The following PPP2R3C variants were observed in gnomAD, a reference collection of about 807,000 sequenced individuals.
PPP2R3C encodes serine/threonine-protein phosphatase 2A regulatory subunit B'' subunit gamma.
A neutral mutation model predicts 63.7 loss-of-function variants in PPP2R3C; 47 were observed. The observed-to-expected ratio is 0.74, with a 90% CI of 0.58 to 0.94. PPP2R3C has a LOEUF of 0.94. Ranked by LOEUF, PPP2R3C falls within the 40% of genes least tolerant of loss-of-function variation. The pLI, the probability that PPP2R3C is intolerant of heterozygous loss-of-function variation, is 0.00. For missense variants in PPP2R3C, 421 were observed against 518.4 expected (o/e 0.81, Z 1.82); for synonymous variants, 180 against 177.4 (o/e 1.01, Z -0.12).
At chr14:35,120,811 T>G (rs986872803) in intron 1 of PPP2R3C, among the ~76,000 whole-genome samples, 1 of 152,060 alleles carries the variant, frequency 6.6e-6, no homozygotes, top group Non-Finnish European at 1.5e-5. Context: ...CCGGGTGTGG[T>G]GGCGTGTGCC....
intron 6 of PPP2R3C, among the ~76,000 whole-genome samples, chr14:35,103,060 C>T (rs575705143): frequency 2.2e-4 from 34 of 152,248 alleles, no homozygotes; most frequent in African/African-American, 7.7e-4. Context: ...CGTGCCTGGC[C>T]GTACTTTGAG....
chr14:35,087,175 A>G (rs970524150), intron 12 of PPP2R3C: 1 of 152,302 alleles, frequency 6.6e-6, no homozygotes, highest in South Asian at 2.1e-4. Flanking sequence ...ACCTCCTTCT[A>G]TATTATGAAG....
chr14:35,122,239 G>C, upstream of PPP2R3C: 1 of 447,842 alleles, frequency 2.2e-6, no homozygotes. Flanking sequence ...GATTTTAAAG[G>C]CCACGATAAG....
At chr14:35,118,153 G>A (rs904949697) in intron 1 of PPP2R3C, among the ~76,000 whole-genome samples, 1 of 152,174 alleles carries the variant, frequency 6.6e-6, no homozygotes, top group African/African-American at 2.4e-5. Context: ...TTCTTGACAA[G>A]CAGGAATTCG....
At chr14:35,109,738 G>T in intron 4 of PPP2R3C, 81 bp downstream of exon 4, 2 of 1,151,688 alleles carry the variant, frequency 1.7e-6, no homozygotes, top group Non-Finnish European at 1.3e-6. Flanking sequence ...TTACAGGTGT[G>T]AGCCACTGTG....
chr14:35,088,903 A>G (rs1255326174), intron 11 of PPP2R3C, among the ~76,000 whole-genome samples: 1 of 152,230 alleles, frequency 6.6e-6, no homozygotes, highest in African/African-American at 2.4e-5. Flanking sequence ...GTAGTTTTAA[A>G]ACAATTTAAT....
intron 4 of PPP2R3C, 120 bp from the exon 5 acceptor site, chr14:35,108,356 C>A: frequency 8.2e-7 from 1 of 1,216,024 alleles, no homozygotes; most frequent in South Asian, 1.9e-5. Context: ...AATAGAGACT[C>A]CTTATAATTC....
intron 1 of PPP2R3C, 141 bp downstream of exon 1, chr14:35,121,760 AC>A: frequency 1.1e-6 from 1 of 929,420 alleles, no homozygotes; most frequent in Non-Finnish European, 1.6e-6. Flanking sequence ...TCCTTAAACC[AC>A]ATTCCACTCC....
At chr14:35,093,453 C>T (rs535394955) in intron 10 of PPP2R3C, among the ~76,000 whole-genome samples, 6 of 152,078 alleles carry the variant, frequency 3.9e-5, no homozygotes, top group Non-Finnish European at 7.4e-5. Context: ...ATAATATAAG[C>T]TCCTCACTGT....
chr14:35,094,380 G>A (rs967381343), intron 10 of PPP2R3C, among the ~76,000 whole-genome samples: 2 of 151,936 alleles, frequency 1.3e-5, no homozygotes, highest in South Asian at 2.1e-4. Flanking sequence ...TATTGCTCAG[G>A]CTAGTTTTGA....
At chr14:35,114,298 T>G (rs1023524895) in intron 2 of PPP2R3C, among the ~76,000 whole-genome samples, 1 of 152,210 alleles carries the variant, frequency 6.6e-6, no homozygotes, top group Non-Finnish European at 1.5e-5. Context: ...TATTTTTTCC[T>G]TTTCTACAAT....
chr14:35,099,247 T>C lies in PPP2R3C; in HGVS notation c.706+5A>G. 1 of 1,559,280 alleles carries C rather than the reference T, an allele frequency of 6.4e-7. No homozygotes were observed. The highest frequency in any genetic ancestry group is 8.6e-7 in the Non-Finnish European group (1 of 1,161,906). Reference sequence around the variant, plus strand: ...ATATCTAAGTTAGATAAGATTTTCTTTTACCTGTTCTTAAAGGATCTAAAA... The same window carrying C: ...ATATCTAAGTTAGATAAGATTTTCTCTTACCTGTTCTTAAAGGATCTAAAA... On this transcript the variant is annotated splice_donor_5th_base_variant and intron_variant, in intron 7 of 12. Coordinates refer to ENST00000261475, the MANE Select transcript of PPP2R3C (RefSeq NM_017917.4).
At chr14:35,089,884 T>G (rs539946537) in intron 11 of PPP2R3C, among the ~76,000 whole-genome samples, 1 of 151,890 alleles carries the variant, frequency 6.6e-6, no homozygotes, top group Admixed American at 6.6e-5. Flanking sequence ...TGAGGATGGT[T>G]TTGATCTCCT....
chr14:35,116,739 T>C lies in PPP2R3C; in HGVS notation c.59-2A>G. The stretch of plus-strand genomic sequence containing the variant: ...TTAATTCTTGTTCACTTTTTTTTTC[T>C]GGTAACAAAACAGATTAAGGGGAGC... On this transcript the variant is annotated splice_acceptor_variant, in intron 1 of 12. Coordinates refer to ENST00000261475, the MANE Select transcript of PPP2R3C (RefSeq NM_017917.4). LOFTEE classifies it high-confidence loss of function. 1 of 1,579,572 alleles carries C rather than the reference T, an allele frequency of 6.3e-7. No homozygotes were observed. The highest frequency in any genetic ancestry group is 8.6e-7 in the Non-Finnish European group (1 of 1,160,000).
Position 35,107,508 on chromosome 14 carries a change from T to C in PPP2R3C, c.503-134A>G, listed in dbSNP as rs552163441. The C allele has an allele frequency of 1.0e-4, 71 of 692,490 alleles. No homozygotes were observed. The South Asian group carries it at 1.0e-3, about 10-fold the overall frequency. The allele number at this position is 692,490 out of a possible 1,614,324, so 42.9% of individuals were successfully genotyped here. On this transcript the variant is annotated intron_variant, in intron 5 of 12. Coordinates refer to ENST00000261475, the MANE Select transcript of PPP2R3C (RefSeq NM_017917.4). Reference sequence around the variant, plus strand: ...CATTTCTTCTCACCACAAAATTGCTTGAAACAAAAAACCATAGAATGGAAG... The same window carrying C: ...CATTTCTTCTCACCACAAAATTGCTCGAAACAAAAAACCATAGAATGGAAG...
intron 10 of PPP2R3C, 126 bp from the exon 11 acceptor site, chr14:35,091,333 T>C (rs17103034): frequency 5.8e-5 from 52 of 899,478 alleles, no homozygotes; most frequent in Non-Finnish European, 8.0e-5. Flanking sequence ...TAAGTTATGA[T>C]ATGAGAAATC....
Position 35,095,723 on chromosome 14 carries a change from G to A in PPP2R3C, c.839-539C>T, listed in dbSNP as rs1472762436. On this transcript the variant is annotated intron_variant, in intron 9 of 12. Transcript: ENST00000261475. ...ACATTAGCCGGGTGTGGTGGCGAGC[G>A]CCTGTAATCCCAGGTACTTGGGAGG... Among the ~76,000 whole-genome samples, 8 of 150,762 alleles carry A rather than the reference G, an allele frequency of 5.3e-5. No individual in the cohort carries two copies. The South Asian group carries it at 6.3e-4, about 12-fold the overall frequency.
chr14:35,100,920 T>C (rs2046164946), intron 6 of PPP2R3C: 1 of 152,180 alleles, frequency 6.6e-6, no homozygotes, highest in African/African-American at 2.4e-5. Flanking sequence ...TGTCAGCCAC[T>C]GTGCCTGGTT....
intron 12 of PPP2R3C, chr14:35,087,562 G>C (rs2045648394): frequency 5.5e-6 from 1 of 181,208 alleles, no homozygotes; most frequent in South Asian, 1.1e-4. Context: ...ACCATGCCCA[G>C]CTAATTTTTG....
Sources: gnomAD v4.1 joint callset for allele counts (sites outside exome capture counted in the v4.1 genomes callset) on GRCh38, gnomAD v4.1.1 for gene constraint, MANE v1.5 for transcripts, NCBI Gene and HGNC (gene_info 2026-07-23, HGNC 2026-07-21) for gene names.